Variants in ZMAT4 observed in about 807,000 individuals in gnomAD.
ZMAT4 encodes zinc finger matrin-type protein 4.
In ZMAT4, 17 loss-of-function variants were observed where a neutral mutation model predicts 28.7. The observed-to-expected ratio is 0.59, with a 90% CI of 0.41 to 0.89. ZMAT4 has a LOEUF of 0.89. Among genes scored for constraint, ZMAT4 ranks in the 40% least tolerant of loss-of-function variants. The pLI, the probability that ZMAT4 is intolerant of heterozygous loss-of-function variation, is 0.00. For missense variants in ZMAT4, 240 were observed against 283.8 expected (o/e 0.85, Z 1.11); for synonymous variants, 117 against 109.2 (o/e 1.07, Z -0.44).
chr8:40,742,093 A>C (rs528635264), intron 3 of ZMAT4, among the ~76,000 whole-genome samples: 3 of 149,150 alleles, frequency 2.0e-5, no homozygotes, highest in African/African-American at 7.3e-5. Context: ...ACAAAAAAAA[A>C]CAAAAAACAA....
At chr8:40,533,995 C>T (rs1802771679) in intron 6 of ZMAT4, among the ~76,000 whole-genome samples, 1 of 152,088 alleles carries the variant, frequency 6.6e-6, no homozygotes, top group Non-Finnish European at 1.5e-5. Flanking sequence ...AGGACAGCAT[C>T]TTCACGTAAC....
In ZMAT4 at chr8:40,532,033, TAA is replaced by T; in HGVS notation, c.*188_*189del. The T allele has an allele frequency of 2.3e-6, 1 of 437,264 alleles. No homozygotes were observed. The allele number at this position is 437,264 out of a possible 1,614,324, so 27.1% of individuals were successfully genotyped here. A position where few individuals can be genotyped will look rare whatever the true frequency, so the allele number is the denominator to read the frequency against. ...CAAATATCATAACTTACCCCAAAAT[TAA>T]AAAAAGGAAAAAGAAAAAAGAAACC... On this transcript the variant is annotated 3_prime_UTR_variant, in exon 7 of 7. Coordinates refer to ENST00000297737, the MANE Select transcript of ZMAT4 (RefSeq NM_024645.3).
chr8:40,577,927 T>C (rs1046859934), intron 6 of ZMAT4, among the ~76,000 whole-genome samples: 2 of 152,040 alleles, frequency 1.3e-5, no homozygotes, highest in Admixed American at 6.5e-5. Flanking sequence ...GAAAACACTA[T>C]TGAAAGAATT....
chr8:40,614,443 G>C (rs1483116717), intron 5 of ZMAT4, among the ~76,000 whole-genome samples: 1 of 152,146 alleles, frequency 6.6e-6, no homozygotes, highest in Non-Finnish European at 1.5e-5. Flanking sequence ...TATTAGGTCT[G>C]CTTGGTGCAG....
rs754215792 is a variant in ZMAT4, at chr8:40,530,996, CAAG to C, written c.*1224_*1226del. ...AGTGGGTGTCCAGAAATTGCTGACA[CAAG>C]AAGATGGATTGCCTATGGTCGTTAG... On this transcript the variant is annotated 3_prime_UTR_variant, in exon 7 of 7. Coordinates refer to ENST00000297737, the MANE Select transcript of ZMAT4 (RefSeq NM_024645.3). 6.6e-6 allele frequency: 1 copy of C among 152,668 alleles called. No homozygotes were observed. Among genetic ancestry groups the C allele is most frequent in the Non-Finnish European group, 1.5e-5 (1 of 68,098 alleles). The allele number at this position is 152,668 out of a possible 1,614,324, so 9.5% of individuals were successfully genotyped here.
chr8:40,856,145 G>A lies in ZMAT4; in HGVS notation c.-4-30465C>T, dbSNP rs183593358. ...ATGTACAATGAAGTTTAAATCATGC[G>A]GCTACTGATCTCTGCATTTGTGTTT... On this transcript the variant is annotated intron_variant, in intron 1 of 6. Coordinates refer to ENST00000297737, the MANE Select transcript of ZMAT4 (RefSeq NM_024645.3). 3.9e-5 allele frequency among the ~76,000 whole-genome samples: 6 copies of A among 152,268 alleles called. No homozygotes were observed. The East Asian group carries it at 7.7e-4, about 20-fold the overall frequency.
chr8:40,811,048 C>A (rs1263433026), intron 2 of ZMAT4, among the ~76,000 whole-genome samples: 1 of 152,076 alleles, frequency 6.6e-6, no homozygotes, highest in African/African-American at 2.4e-5. Context: ...ATGTAGAGAT[C>A]TGGGAACCCT....
chr8:40,738,468 A>T (rs992929987), intron 3 of ZMAT4, among the ~76,000 whole-genome samples: 2 of 152,222 alleles, frequency 1.3e-5, no homozygotes, highest in African/African-American at 2.4e-5. Context: ...AAAACAGCTT[A>T]CAGCAAAAGG....
intron 1 of ZMAT4, among the ~76,000 whole-genome samples, chr8:40,829,039 A>G (rs1257374847): frequency 6.6e-6 from 1 of 152,080 alleles, no homozygotes; most frequent in Non-Finnish European, 1.5e-5. Flanking sequence ...ACTGGAGTAG[A>G]GACAGAGCCA....
intron 5 of ZMAT4, among the ~76,000 whole-genome samples, chr8:40,589,598 A>G (rs1804783836): frequency 6.6e-6 from 1 of 152,158 alleles, no homozygotes; most frequent in Non-Finnish European, 1.5e-5. Flanking sequence ...TCCAGACTCC[A>G]TAGGGTTTGT....
chr8:40,815,839 A>C (rs1390645529), intron 2 of ZMAT4, among the ~76,000 whole-genome samples: 4 of 152,174 alleles, frequency 2.6e-5, no homozygotes, highest in Non-Finnish European at 5.9e-5. Flanking sequence ...CAAACAGCAC[A>C]TTGTTTGCTT....
intron 3 of ZMAT4, among the ~76,000 whole-genome samples, chr8:40,744,993 A>G (rs1218547717): frequency 6.6e-6 from 1 of 152,184 alleles, no homozygotes; most frequent in Admixed American, 6.5e-5. Flanking sequence ...GGCTGAATAG[A>G]AGAAAACAGA....
At position 40,640,211 on chromosome 8, in the gene ZMAT4, C is replaced by T. The variant is rs937051723; in HGVS notation, c.577+34493G>A. Among the ~76,000 whole-genome samples the T allele has an allele frequency of 2.0e-5, 3 of 152,168 alleles. 1 individual carries two copies. Among genetic ancestry groups the T allele is most frequent in the Admixed American group, 2.0e-4 (3 of 15,282 alleles). On this transcript the variant is annotated intron_variant, in intron 5 of 6. Transcript: ENST00000297737. ...CAGGCTGGTCTTGAATTCCTGGGCC[C>T]AAGCAATCCTCCTGCCTCAGCCTCC... is the stretch of plus-strand genomic sequence containing the variant.
intron 3 of ZMAT4, among the ~76,000 whole-genome samples, chr8:40,699,443 C>T (rs1810034597): frequency 6.6e-6 from 1 of 151,986 alleles, no homozygotes; most frequent in Non-Finnish European, 1.5e-5. Flanking sequence ...TCCAGAAATC[C>T]CACTAATGGG....
At chr8:40,752,068 A>G (rs1286322449) in intron 3 of ZMAT4, among the ~76,000 whole-genome samples, 1 of 152,110 alleles carries the variant, frequency 6.6e-6, no homozygotes, top group Admixed American at 6.5e-5. Context: ...CCTGAGTTCT[A>G]CCAGCTGTTT....
At position 40,741,906 on chromosome 8, in the gene ZMAT4, G is replaced by T. The variant is rs925191480; in HGVS notation, c.192+25735C>A. The stretch of plus-strand genomic sequence containing the variant: ...AGAAAGCATTAAAAATAAAACATAT[G>T]TATTGAAATAGAAATCTGACTAAAC... On this transcript the variant is annotated intron_variant, in intron 3 of 6. Coordinates refer to ENST00000297737, the MANE Select transcript of ZMAT4 (RefSeq NM_024645.3). 9.9e-5 allele frequency among the ~76,000 whole-genome samples: 15 copies of T among 152,206 alleles called. No homozygotes were observed. In the East Asian group the frequency reaches 2.9e-3, roughly 29 times the overall value.
intron 3 of ZMAT4, among the ~76,000 whole-genome samples, chr8:40,703,691 C>A (rs964985534): frequency 2.0e-5 from 3 of 152,078 alleles, no homozygotes; most frequent in African/African-American, 7.2e-5. Flanking sequence ...TGTGAATATA[C>A]CTAAAACCCT....
At chr8:40,829,089 C>A (rs1257326119) in intron 1 of ZMAT4, among the ~76,000 whole-genome samples, 11 of 152,198 alleles carry the variant, frequency 7.2e-5, no homozygotes, top group Non-Finnish European at 1.3e-4. Context: ...CCCATCAGAT[C>A]CAGTGTCTAG....
At chr8:40,753,342 TC>T (rs1197531280) in intron 3 of ZMAT4, among the ~76,000 whole-genome samples, 1 of 152,084 alleles carries the variant, frequency 6.6e-6, no homozygotes, top group East Asian at 1.9e-4. Flanking sequence ...ACCACACTCT[TC>T]CCCACCATCA....
Sources: gnomAD v4.1 joint callset for allele counts (sites outside exome capture counted in the v4.1 genomes callset) on GRCh38, gnomAD v4.1.1 for gene constraint, MANE v1.5 for transcripts, NCBI Gene and HGNC (gene_info 2026-07-23, HGNC 2026-07-21) for gene names.